NOM1: variants seen among roughly 807,000 people sequenced by gnomAD.
The protein encoded by NOM1 is nucleolar protein with MIF4G domain 1.
In NOM1, 58 loss-of-function variants were observed where a neutral mutation model predicts 73.3. That is an observed-to-expected ratio of 0.79 (90% CI 0.64 to 0.99). The LOEUF (loss-of-function observed/expected upper bound fraction) is 0.99. Among genes scored for constraint, NOM1 ranks in the 50% least tolerant of loss-of-function variants. The pLI is 0.00. For synonymous variants in NOM1, 487 were observed against 446.8 expected, an observed-to-expected ratio of 1.09 and a Z score of -1.14; for missense variants, 1,226 against 1,131.9, an observed-to-expected ratio of 1.08 and a Z score of -1.19.
chr7:156,967,260 G>C (rs1446401195), intron 9 of NOM1, among the ~76,000 whole-genome samples, 168 bp downstream of exon 9: 1 of 152,206 alleles, frequency 6.6e-6, no homozygotes, highest in Non-Finnish European at 1.5e-5. Context: ...ACTAACATGT[G>C]CTACAAATTG....
rs1047884046 is a variant in NOM1 at position 156,952,454 on chromosome 7, T to G, written c.988-20T>G. ...TTGGTCAGTGTAAATTTTTTGTAAT[T>G]TATTTCTCTTTTCAAGCAGAGTCTT... is the stretch of plus-strand genomic sequence containing the variant. On this transcript the variant is annotated intron_variant, in intron 1 of 10. Coordinates refer to ENST00000275820, the MANE Select transcript of NOM1 (RefSeq NM_138400.2). 1.3e-6 allele frequency: 2 copies of G among 1,597,550 alleles called. No individual in the cohort carries two copies. Among genetic ancestry groups the G allele is most frequent in the East Asian group, 2.2e-5 (1 of 44,792 alleles).
chr7:156,966,805 C>T (rs1001633660), intron 8 of NOM1, among the ~76,000 whole-genome samples, 156 bp from the exon 9 acceptor site: 2 of 152,182 alleles, frequency 1.3e-5, no homozygotes, highest in African/African-American at 2.4e-5. Flanking sequence ...GGACTATGCT[C>T]TATAGGCAAG....
intron 1 of NOM1, 68 bp from the exon 2 acceptor site, chr7:156,952,406 A>G (rs932304986): frequency 2.9e-5 from 44 of 1,532,088 alleles, no homozygotes; most frequent in Non-Finnish European, 3.7e-5. Flanking sequence ...AAATACACAT[A>G]TGGCAAAGAA....
chr7:156,964,074 ATAAG>A (rs1267778351), intron 7 of NOM1, 48 bp downstream of exon 7: 6 of 1,586,692 alleles, frequency 3.8e-6, no homozygotes, highest in Admixed American at 1.7e-5. Flanking sequence ...ATGCTGTAAA[ATAAG>A]TAAGTTGATT....
rs1172493997 is a variant in NOM1 at position 156,966,349 on chromosome 7, C to G, written c.2113C>G (p.Pro705Ala). The change falls in exon 8 of 11, where the codon CCC becomes GCC. Residue 705 changes from proline to alanine, a missense_variant. Pro to Ala is a conservative substitution (Grantham distance 27, BLOSUM62 -1). Coordinates refer to ENST00000275820, the MANE Select transcript of NOM1 (RefSeq NM_138400.2). ...DCCLQEKTYN[P>A]FYAFLASKFC... ...CTGCCTTCAAGAGAAAACTTACAAT[C>G]CCTTCTATGCTTTCCTGGCTAGCAA... The G allele has an allele frequency of 1.2e-6, 2 of 1,614,092 alleles. No homozygotes were observed. Among genetic ancestry groups the G allele is most frequent in the African/African-American group, 2.7e-5 (2 of 74,942 alleles).
chr7:156,953,375 G>A (rs59918059), intron 2 of NOM1, among the ~76,000 whole-genome samples: 79,382 of 151,726 alleles, frequency 0.52, 21,022 homozygotes, highest in Middle Eastern at 0.66. Context: ...TGATCCGCCC[G>A]CCTCAGCCTC....
At chr7:156,953,120 G>A (rs950551949) in intron 2 of NOM1, among the ~76,000 whole-genome samples, 2 of 99,930 alleles carry the variant, frequency 2.0e-5, no homozygotes, top group Non-Finnish European at 4.1e-5. Flanking sequence ...AGGTTTTTTT[G>A]TTTTGTTTTG....
intron 1 of NOM1, among the ~76,000 whole-genome samples, chr7:156,951,513 C>T (rs1428264568): frequency 1.3e-5 from 2 of 152,140 alleles, no homozygotes; most frequent in African/African-American, 2.4e-5. Flanking sequence ...TGTGGAATTG[C>T]CTGCATTTCC....
chr7:156,959,861 A>G lies in NOM1; in HGVS notation c.1319A>G (p.His440Arg). 1 of 1,614,086 alleles carries G rather than the reference A, an allele frequency of 6.2e-7. No homozygotes were observed. The highest frequency in any genetic ancestry group is 8.5e-7 in the Non-Finnish European group (1 of 1,179,996). ...GTGTGGTTCTTTCAGGTCGGTGCCC[A>G]CTTTCTGGAGGCAGTGGTGAGGAAG... ...HHTVGIEVGA[H>R]FLEAVVRKFD... The change falls in exon 4 of 11, where the codon CAC (histidine) becomes CGC (arginine). Residue 440 changes from histidine to arginine, a missense_variant. His to Arg is a conservative substitution (Grantham distance 29, BLOSUM62 0). Transcript: ENST00000275820.
chr7:156,967,608 T>C (rs995002246), intron 9 of NOM1, among the ~76,000 whole-genome samples: 3 of 152,192 alleles, frequency 2.0e-5, no homozygotes, highest in Non-Finnish European at 4.4e-5. Context: ...CTCTGCAACC[T>C]CTGCCTCCGG....
In NOM1 at chr7:156,971,842, A is replaced by G. The variant is rs1178689946; in HGVS notation, c.*2139A>G. ...GACTTCTAACCCTGCATTCAGCAAC[A>G]TCATTCGACCCGAAGCCAGATTCAA... On this transcript the variant is annotated 3_prime_UTR_variant, in exon 11 of 11. Transcript: ENST00000275820. The G allele has an allele frequency of 6.6e-6, 1 of 152,266 alleles. No individual in the cohort carries two copies. The highest frequency in any genetic ancestry group is 1.5e-5 in the Non-Finnish European group (1 of 68,044). 9.4% of individuals were successfully genotyped at this position (152,266 alleles called of 1,614,324 possible).
chr7:156,963,221 G>C (rs375176749), intron 6 of NOM1, 46 bp downstream of exon 6: 164 of 1,601,190 alleles, frequency 1.0e-4, no homozygotes, highest in Non-Finnish European at 1.3e-4. Context: ...GCACCCCCCT[G>C]TGTGGTGTGT....
In NOM1 at chr7:156,950,272, A is replaced by G. The variant is rs1804551703; in HGVS notation, c.535A>G (p.Asn179Asp). ...AARKRALLAA[N>D]EEEDREIRKL... ...CCGGAAACGGGCGCTTTTAGCGGCG[A>G]ACGAGGAGGAGGACCGAGAGATCCG... is the stretch of plus-strand genomic sequence containing the variant. Residue 179 changes from asparagine to aspartate, a missense_variant, in exon 1 of 11, where the codon AAC becomes GAC. By Grantham distance (23) the Asn-to-Asp change is conservative. Transcript: ENST00000275820. 1.9e-6 allele frequency: 3 copies of G among 1,613,968 alleles called. No homozygotes were observed. Among genetic ancestry groups the G allele is most frequent in the Non-Finnish European group, 2.5e-6 (3 of 1,179,854 alleles).
rs1166123621 is a variant in NOM1, at chr7:156,972,675, T to G, written c.*2972T>G. ...CAAAACCCCGTCTCTATGAAAAATATAAAAATTAGCTGGGCATGGTGGCAG... is the reference window on the plus strand; with the variant it reads ...CAAAACCCCGTCTCTATGAAAAATAGAAAAATTAGCTGGGCATGGTGGCAG... On this transcript the variant is annotated 3_prime_UTR_variant, in exon 11 of 11. Coordinates refer to ENST00000275820, the MANE Select transcript of NOM1 (RefSeq NM_138400.2). 6.6e-6 allele frequency: 1 copy of G among 151,966 alleles called. No homozygotes were observed. The highest frequency in any genetic ancestry group is 2.4e-5 in the African/African-American group (1 of 41,342). 9.4% of individuals were successfully genotyped at this position (151,966 alleles called of 1,614,324 possible).
chr7:156,952,258 T>C (rs978459999), intron 1 of NOM1, among the ~76,000 whole-genome samples: 23 of 152,194 alleles, frequency 1.5e-4, no homozygotes, highest in African/African-American at 5.1e-4. Flanking sequence ...GTATTATTAA[T>C]AGCATTAATG....
chr7:156,952,518 G>T lies in NOM1; in HGVS notation c.1032G>T (p.Arg344Ser), dbSNP rs771296001. The T allele has an allele frequency of 2.5e-6, 4 of 1,613,900 alleles. No homozygotes were observed. Among genetic ancestry groups the T allele is most frequent in the Non-Finnish European group, 3.4e-6 (4 of 1,179,816 alleles). The stretch of plus-strand genomic sequence containing the variant: ...AAAAGTACATCCCACCTCATGTGAG[G>T]CAAGCTGAGGAGACAGTGGACTTCA... The part of the protein sequence containing the change: ...SGEKYIPPHV[R>S]QAEETVDFKK... Residue 344 changes from arginine to serine, a missense_variant, in exon 2 of 11, where the codon AGG becomes AGT. By Grantham distance (110) the Arg-to-Ser change is moderately radical. Coordinates refer to ENST00000275820, the MANE Select transcript of NOM1 (RefSeq NM_138400.2).
chr7:156,950,242 G>C lies in NOM1; in HGVS notation c.505G>C (p.Ala169Pro). 1 of 1,613,170 alleles carries C rather than the reference G, an allele frequency of 6.2e-7. No homozygotes were observed. The highest frequency in any genetic ancestry group is 8.5e-7 in the Non-Finnish European group (1 of 1,179,646). Residue 169 changes from alanine to proline, a missense_variant, in exon 1 of 11, where the codon GCT becomes CCT. Coordinates refer to ENST00000275820, the MANE Select transcript of NOM1 (RefSeq NM_138400.2). Reference protein sequence around the residue: ...KTRPSAAATAAARKRALLAAN... With the variant: ...KTRPSAAATAPARKRALLAAN... ...CAGACCCTCCGCAGCCGCCACCGCCGCTGCCCGGAAACGGGCGCTTTTAGC... is the reference window on the plus strand; with the variant it reads ...CAGACCCTCCGCAGCCGCCACCGCCCCTGCCCGGAAACGGGCGCTTTTAGC...
chr7:156,960,456 G>A (rs1285033011), intron 4 of NOM1, among the ~76,000 whole-genome samples: 1 of 152,190 alleles, frequency 6.6e-6, no homozygotes, highest in African/African-American at 2.4e-5. Context: ...GCCTGGGTTG[G>A]ACTTTGGGCT....
At chr7:156,967,224 T>A in intron 9 of NOM1, 132 bp downstream of exon 9, 1 of 1,105,878 alleles carries the variant, frequency 9.0e-7, no homozygotes, top group Non-Finnish European at 1.3e-6. Context: ...GCTTGCATTA[T>A]CCTAGCCAGG....
Sources: gnomAD v4.1 joint callset for allele counts (sites outside exome capture counted in the v4.1 genomes callset) on GRCh38, gnomAD v4.1.1 for gene constraint, MANE v1.5 for transcripts, NCBI Gene and HGNC (gene_info 2026-07-23, HGNC 2026-07-21) for gene names.